SLC7A9: variants seen among roughly 807,000 people sequenced by gnomAD.
SLC7A9 encodes the protein B(0,+)-type amino acid transporter 1.
A neutral mutation model predicts 54.1 loss-of-function variants in SLC7A9; 38 were observed. The ratio of observed to expected loss-of-function variants is 0.70; its 90% CI spans 0.54 to 0.92. The LOEUF is 0.92. Among genes scored for constraint, SLC7A9 ranks in the 40% least tolerant of loss-of-function variants. SLC7A9 has a pLI of 0.00. For synonymous variants in SLC7A9, 264 were observed against 258.9 expected (o/e 1.02, Z -0.19); for missense variants, 537 against 636.1 (o/e 0.84, Z 1.68).
intron 9 of SLC7A9, among the ~76,000 whole-genome samples, chr19:32,845,948 G>A (rs930189756): frequency 1.3e-5 from 2 of 152,192 alleles, no homozygotes; most frequent in African/African-American, 4.8e-5. Context: ...AAGTTGCAGT[G>A]AGCCGAGATT....
intron 12 of SLC7A9, among the ~76,000 whole-genome samples, chr19:32,831,920 T>C (rs1016286310): frequency 6.6e-6 from 1 of 152,242 alleles, no homozygotes; most frequent in Non-Finnish European, 1.5e-5. Context: ...CTAATGCTAC[T>C]GAACTTTACA....
chr19:32,845,887 C>T (rs867522432), intron 9 of SLC7A9, among the ~76,000 whole-genome samples: 1 of 151,914 alleles, frequency 6.6e-6, no homozygotes, highest in East Asian at 2.0e-4. Context: ...GCCTATAATC[C>T]CATCTACTTG....
chr19:32,842,385 G>A (rs1047859161), intron 10 of SLC7A9, 68 bp from the exon 11 acceptor site: 65 of 1,482,038 alleles, frequency 4.4e-5, no homozygotes, highest in Non-Finnish European at 5.6e-5. Context: ...ACAGAAGACC[G>A]AAGAAGCAGT....
intron 3 of SLC7A9, 75 bp from the exon 4 acceptor site, chr19:32,864,413 C>A: frequency 6.3e-7 from 1 of 1,596,582 alleles, no homozygotes; most frequent in South Asian, 1.1e-5. Context: ...TTCCTCCCAC[C>A]GGAGGCTGCG....
chr19:32,855,194 A>T (rs893767521), intron 9 of SLC7A9, among the ~76,000 whole-genome samples: 2 of 152,254 alleles, frequency 1.3e-5, no homozygotes, highest in Non-Finnish European at 2.9e-5. Context: ...AATAAGCCAG[A>T]CACAGAAAGA....
Position 32,854,120 on chromosome 19 carries a change from C to T in SLC7A9, c.977+4320G>A, listed in dbSNP as rs576326939. On this transcript the variant is annotated intron_variant, in intron 9 of 12. Coordinates refer to ENST00000023064, the MANE Select transcript of SLC7A9 (RefSeq NM_014270.5). ...CTCGACCTCCTGGGCTCACACGATCCTCCCACCTCAGTCTCCTGAGTAGCT... is the reference window on the plus strand; with the variant it reads ...CTCGACCTCCTGGGCTCACACGATCTTCCCACCTCAGTCTCCTGAGTAGCT... 2.9e-3 allele frequency among the ~76,000 whole-genome samples: 438 copies of T among 151,988 alleles called. 3 individuals are homozygous for T. Among genetic ancestry groups the T allele is most frequent in the African/African-American group, 0.01 (422 of 41,452 alleles).
rs1344913148 is a variant in SLC7A9, at chr19:32,860,747, A to G, written c.705-97T>C. ...ATGTTGGCCTCATTTAAGATTCTCT[A>G]CCAGAGAAAAAAATTCTCCTGCAGG... On this transcript the variant is annotated intron_variant, in intron 6 of 12. Transcript: ENST00000023064. 5.3e-6 allele frequency: 8 copies of G among 1,506,924 alleles called. No individual in the cohort carries two copies. In the African/African-American group the frequency reaches 6.9e-5, roughly 13 times the overall value. 93.3% of individuals were successfully genotyped at this position (1,506,924 alleles called of 1,614,324 possible). A position where few individuals can be genotyped will look rare whatever the true frequency, so the allele number is the denominator to read the frequency against.
chr19:32,849,276 A>G (rs1008845132), intron 9 of SLC7A9, among the ~76,000 whole-genome samples: 1 of 152,206 alleles, frequency 6.6e-6, no homozygotes, highest in African/African-American at 2.4e-5. Flanking sequence ...AACAAAATTG[A>G]TAGACTGCTA....
In SLC7A9 at chr19:32,830,544, A is replaced by G; in HGVS notation, c.*76T>C. The G allele has an allele frequency of 8.7e-7, 1 of 1,145,034 alleles. No homozygotes were observed. Among genetic ancestry groups the G allele is most frequent in the East Asian group, 2.3e-5 (1 of 42,666 alleles). 70.9% of individuals were successfully genotyped at this position (1,145,034 alleles called of 1,614,324 possible). On this transcript the variant is annotated 3_prime_UTR_variant, in exon 13 of 13. Coordinates refer to ENST00000023064, the MANE Select transcript of SLC7A9 (RefSeq NM_014270.5). Reference sequence around the variant, plus strand: ...ATCTGAGTATATTTTATTCGTAAGAAAAAAAGGAAGAAATAACCACAAATA... The same window carrying G: ...ATCTGAGTATATTTTATTCGTAAGAGAAAAAGGAAGAAATAACCACAAATA...
intron 1 of SLC7A9, among the ~76,000 whole-genome samples, chr19:32,869,460 C>T (rs1391963872): frequency 2.0e-5 from 3 of 152,258 alleles, no homozygotes; most frequent in Non-Finnish European, 4.4e-5. Flanking sequence ...AGTCCTTCCA[C>T]CTCGGCCTCC....
intron 9 of SLC7A9, among the ~76,000 whole-genome samples, chr19:32,854,358 G>C (rs898611642): frequency 2.0e-5 from 3 of 152,042 alleles, no homozygotes; most frequent in Admixed American, 1.3e-4. Context: ...TCCCCCAGTT[G>C]ATCTATGGAT....
intron 11 of SLC7A9, among the ~76,000 whole-genome samples, chr19:32,839,292 C>T (rs575903437): frequency 2.9e-4 from 44 of 152,132 alleles, no homozygotes; most frequent in Non-Finnish European, 5.7e-4. Context: ...CGGTGGCTCA[C>T]ACCTGTAATC....
intron 2 of SLC7A9, among the ~76,000 whole-genome samples, chr19:32,866,944 A>G (rs1968989181): frequency 6.6e-6 from 1 of 152,078 alleles, no homozygotes; most frequent in Non-Finnish European, 1.5e-5. Context: ...CTGCGCCTCC[A>G]TGCTCAGCAC....
At position 32,842,296 on chromosome 19, in the gene SLC7A9, T is replaced by C; in HGVS notation, c.1096A>G (p.Ile366Val). 3 of 1,613,866 alleles carry C rather than the reference T, an allele frequency of 1.9e-6. No individual in the cohort carries two copies. The highest frequency in any genetic ancestry group is 2.5e-6 in the Non-Finnish European group (3 of 1,179,738). The change falls in exon 11 of 13, where the codon ATC becomes GTC. Residue 366 changes from isoleucine (I) to valine (V), a missense_variant. Physicochemically the swap from Ile to Val is conservative, Grantham distance 29. Coordinates refer to ENST00000023064, the MANE Select transcript of SLC7A9 (RefSeq NM_014270.5). ...IFYGIIATIY[I>V]IPGDINSLVN... The stretch of plus-strand genomic sequence containing the variant: ...AACGAGTTTATGTCACCAGGGATGA[T>C]ATAAATCGTTGCTATGATACCCTAA...
chr19:32,865,993 A>G (rs1374993230), intron 2 of SLC7A9, among the ~76,000 whole-genome samples: 1 of 151,286 alleles, frequency 6.6e-6, no homozygotes, highest in East Asian at 1.9e-4. Context: ...ATTACACTGT[A>G]TGTAAATTAC....
At chr19:32,844,279 TAACTTTAAAAATTTTTTAA>T (rs2145813062) in intron 9 of SLC7A9, among the ~76,000 whole-genome samples, 1 of 152,254 alleles carries the variant, frequency 6.6e-6, no homozygotes, top group South Asian at 2.1e-4. Flanking sequence ...TCTCTACAAA[TAACTTTAAAAATTTTTTAA>T]ATGTACCATT....
chr19:32,856,441 G>A (rs888510379), intron 9 of SLC7A9, among the ~76,000 whole-genome samples: 13 of 152,202 alleles, frequency 8.5e-5, no homozygotes, highest in Non-Finnish European at 1.3e-4. Flanking sequence ...TGATCTGCCC[G>A]CCTCGGCCTC....
intron 4 of SLC7A9, among the ~76,000 whole-genome samples, chr19:32,863,540 T>C (rs1486077623): frequency 2.0e-5 from 3 of 152,020 alleles, no homozygotes; most frequent in Non-Finnish European, 4.4e-5. Flanking sequence ...TTTGATTGTT[T>C]GTAGAGTCAA....
chr19:32,854,727 A>T (rs960427529), intron 9 of SLC7A9, among the ~76,000 whole-genome samples: 2 of 152,156 alleles, frequency 1.3e-5, no homozygotes, highest in African/African-American at 4.8e-5. Context: ...AGCTGGAATT[A>T]CAGGCATCTG....
Sources: allele counts gnomAD v4.1 joint callset (sites outside exome capture counted in the v4.1 genomes callset), GRCh38; gene constraint gnomAD v4.1.1; transcripts MANE v1.5; gene names NCBI Gene and HGNC (gene_info 2026-07-23, HGNC 2026-07-21).